Variants in ASTN1 observed in about 807,000 individuals in gnomAD.
ASTN1 encodes the protein astrotactin 1.
ASTN1 carries 41 observed loss-of-function variants against 140.7 expected under a neutral mutation model. The ratio of observed to expected loss-of-function variants is 0.29; its 90% CI spans 0.23 to 0.38. The LOEUF is 0.38. Ranked by LOEUF, ASTN1 falls within the 10% of genes least tolerant of loss-of-function variation. ASTN1 has a pLI of 1.00. For synonymous variants in ASTN1, 640 were observed against 652.2 expected, an observed-to-expected ratio of 0.98 and a Z score of 0.29; for missense variants, 1,479 against 1,678.8, an observed-to-expected ratio of 0.88 and a Z score of 2.08.
intron 14 of ASTN1, among the ~76,000 whole-genome samples, chr1:176,942,511 A>G (rs1249021823): frequency 6.6e-6 from 1 of 152,072 alleles, no homozygotes; most frequent in African/African-American, 2.4e-5. Context: ...GGAGGGAAAA[A>G]GGAGAGGAAG....
chr1:177,008,378 A>AGAGAGAGAGAAAGAGAGG (rs1675099538), intron 8 of ASTN1, among the ~76,000 whole-genome samples: 1 of 151,010 alleles, frequency 6.6e-6, no homozygotes, highest in Non-Finnish European at 1.5e-5. Context: ...GATAAAAGTA[A>AGAGAGAGAGAAAGAGAGG]GAGAGAGAGA....
In ASTN1 at chr1:176,901,719, C is replaced by T. The variant is rs112200750; in HGVS notation, c.2672-6889G>A. Among the ~76,000 whole-genome samples the T allele has an allele frequency of 2.6e-5, 4 of 152,276 alleles. No individual in the cohort carries two copies. In the East Asian group the frequency reaches 7.7e-4, roughly 29 times the overall value. ...TCAGTCTGCACACAAGGAGCCCTTCCCAGTCTCCAGCCTCACATTCAGCTA... is the reference window on the plus strand; with the variant it reads ...TCAGTCTGCACACAAGGAGCCCTTCTCAGTCTCCAGCCTCACATTCAGCTA... On this transcript the variant is annotated intron_variant, in intron 16 of 22. Coordinates refer to ENST00000361833, the MANE Select transcript of ASTN1 (RefSeq NM_004319.3).
At chr1:176,995,412 A>G (rs1382577024) in intron 8 of ASTN1, among the ~76,000 whole-genome samples, 1 of 152,206 alleles carries the variant, frequency 6.6e-6, no homozygotes, top group African/African-American at 2.4e-5. Flanking sequence ...AGATGAGACT[A>G]TCTGCATGCA....
intron 2 of ASTN1, among the ~76,000 whole-genome samples, chr1:177,048,421 T>G (rs1677359512): frequency 6.6e-6 from 1 of 152,116 alleles, no homozygotes; most frequent in African/African-American, 2.4e-5. Context: ...CTAAAGTAAA[T>G]ACTTTTTCCC....
intron 21 of ASTN1, among the ~76,000 whole-genome samples, chr1:176,871,943 A>G (rs1300003184): frequency 6.6e-6 from 1 of 152,194 alleles, no homozygotes; most frequent in African/African-American, 2.4e-5. Context: ...GCCTGTCTAC[A>G]CAGCCTCATC....
chr1:176,906,843 C>CAAA (rs35062067), intron 16 of ASTN1, among the ~76,000 whole-genome samples: 4 of 86,502 alleles, frequency 4.6e-5, no homozygotes, highest in East Asian at 3.8e-4. Flanking sequence ...GACTCTCTCT[C>CAAA]AAAAAAAAAA....
rs543459234 is a variant in ASTN1, at chr1:176,876,757, G to A, written c.3363-120C>T. On this transcript the variant is annotated intron_variant, in intron 20 of 22. Coordinates refer to ENST00000361833, the MANE Select transcript of ASTN1 (RefSeq NM_004319.3). Reference sequence around the variant, plus strand: ...GGTGGCTATGGACCCAGATACTCTCGTCATCCTGGGTCACGTTTACTGCCA... The same window carrying A: ...GGTGGCTATGGACCCAGATACTCTCATCATCCTGGGTCACGTTTACTGCCA... The A allele has an allele frequency of 2.6e-5, 23 of 887,110 alleles. 1 individual carries two copies. Among genetic ancestry groups the A allele is most frequent in the South Asian group, 6.7e-5 (4 of 59,838 alleles). 55.0% of individuals were successfully genotyped at this position (887,110 alleles called of 1,614,324 possible). A position where few individuals can be genotyped will look rare whatever the true frequency, so the allele number is the denominator to read the frequency against.
intron 19 of ASTN1, among the ~76,000 whole-genome samples, 163 bp from the exon 20 acceptor site, chr1:176,883,157 T>C (rs548285356): frequency 2.6e-5 from 4 of 152,200 alleles, no homozygotes; most frequent in Admixed American, 6.5e-5. Context: ...TATTTCATAT[T>C]TAACCACTCA....
intron 1 of ASTN1, among the ~76,000 whole-genome samples, chr1:177,136,580 C>T (rs1431772373): frequency 6.6e-6 from 1 of 152,124 alleles, no homozygotes; most frequent in Non-Finnish European, 1.5e-5. Context: ...TCTTGAATTC[C>T]TGACCTCAGG....
intron 1 of ASTN1, among the ~76,000 whole-genome samples, chr1:177,079,379 C>T (rs762777727): frequency 1.3e-5 from 2 of 152,134 alleles, no homozygotes; most frequent in Non-Finnish European, 2.9e-5. Context: ...TCTCTTTCAG[C>T]CTGCACATCC....
At chr1:177,108,074 G>T (rs1022924776) in intron 1 of ASTN1, among the ~76,000 whole-genome samples, 11 of 152,082 alleles carry the variant, frequency 7.2e-5, no homozygotes, top group African/African-American at 1.9e-4. Flanking sequence ...TATCAGCCAG[G>T]CGTGGTGATT....
downstream of ASTN1, among the ~76,000 whole-genome samples, chr1:176,858,239 G>A (rs922353540): frequency 2.6e-5 from 4 of 152,094 alleles, no homozygotes; most frequent in African/African-American, 9.7e-5. Flanking sequence ...TCTCACTTTG[G>A]AATAGTGCAG....
chr1:177,059,194 A>G (rs1476406796), intron 2 of ASTN1, among the ~76,000 whole-genome samples: 3 of 152,188 alleles, frequency 2.0e-5, no homozygotes, highest in Non-Finnish European at 4.4e-5. Flanking sequence ...CATGACCACC[A>G]TTGCATCCCA....
intron 1 of ASTN1, among the ~76,000 whole-genome samples, chr1:177,143,150 C>T (rs1308105731): frequency 2.6e-5 from 4 of 152,126 alleles, no homozygotes; most frequent in South Asian, 2.1e-4. Context: ...AACTGCCAGG[C>T]GACAGCGTGA....
chr1:177,018,906 C>A (rs1030214016), intron 7 of ASTN1, among the ~76,000 whole-genome samples: 1 of 152,140 alleles, frequency 6.6e-6, no homozygotes, highest in Non-Finnish European at 1.5e-5. Flanking sequence ...TTGCTGTTAG[C>A]CCCACTTAAC....
chr1:176,895,732 C>T (rs939552672), intron 16 of ASTN1, among the ~76,000 whole-genome samples: 1 of 152,202 alleles, frequency 6.6e-6, no homozygotes, highest in African/African-American at 2.4e-5. Flanking sequence ...GTTCTTTATA[C>T]AAGAAAGCAC....
At chr1:176,911,717 A>T (rs557247701) in intron 16 of ASTN1, among the ~76,000 whole-genome samples, 1 of 152,322 alleles carries the variant, frequency 6.6e-6, no homozygotes, top group East Asian at 1.9e-4. Flanking sequence ...CTCCTGGAAG[A>T]CCTGCCTGAA....
At chr1:176,931,290 A>G (rs1475187648) in intron 16 of ASTN1, among the ~76,000 whole-genome samples, 1 of 152,116 alleles carries the variant, frequency 6.6e-6, no homozygotes, top group Admixed American at 6.5e-5. Flanking sequence ...AACACGGAGA[A>G]ACCCCGTCTC....
rs1165568558 is a variant in ASTN1 at position 176,965,331 on chromosome 1, C to T, written c.1524-94G>A. On this transcript the variant is annotated intron_variant, in intron 8 of 22. Transcript: ENST00000361833. ...AGGCACAGTGCTAGGTGGTAGACAC[C>T]CAGCCATCCAGGGCATAGCCTCTGC... The T allele has an allele frequency of 1.4e-5, 17 of 1,236,630 alleles. 1 individual carries two copies. The Admixed American group carries it at 3.1e-4, about 23-fold the overall frequency. 76.6% of individuals were successfully genotyped at this position (1,236,630 alleles called of 1,614,324 possible).
Sources: gnomAD v4.1 joint callset for allele counts (sites outside exome capture counted in the v4.1 genomes callset) on GRCh38, gnomAD v4.1.1 for gene constraint, MANE v1.5 for transcripts, NCBI Gene and HGNC (gene_info 2026-07-23, HGNC 2026-07-21) for gene names.